Variants in CELF2 observed in about 807,000 individuals in gnomAD.
CELF2 encodes the protein CUGBP Elav-like family member 2, also known as CUG triplet repeat RNA-binding protein 2.
Under a neutral mutation model 62.6 loss-of-function variants are expected in CELF2, and 8 were observed. The ratio of observed to expected loss-of-function variants is 0.13; its 90% CI spans 0.07 to 0.23. The LOEUF (loss-of-function observed/expected upper bound fraction) is 0.23. Among genes scored for constraint, CELF2 ranks in the 10% least tolerant of loss-of-function variants. The pLI is 1.00. For missense variants in CELF2, 333 were observed against 671.0 expected (o/e 0.50, Z 5.56); for synonymous variants, 258 against 250.0 (o/e 1.03, Z -0.30).
the CELF2 span, among the ~76,000 whole-genome samples, chr10:10,693,364 T>C: frequency 7.3e-6 from 1 of 137,538 alleles, no homozygotes; most frequent in Non-Finnish European, 1.6e-5. Flanking sequence ...TGAAGCCCAC[T>C]TGATCATGGT....
Position 11,211,809 on chromosome 10 carries a change from A to AGTGT in CELF2, c.272-5615_272-5614insTGTG, listed in dbSNP as rs766424195. ...ATGTGTGTGAGAGAGAGAGAGAGAG[A>AGTGT]GAGAGTGTGTGTGTGTGTGTGTGTG... On this transcript the variant is annotated intron_variant, in intron 2 of 12. Transcript: ENST00000633077. This position sits in a 1 kb window ranked among gnomAD's most constrained non-coding sequence, Gnocchi z 4.8. Among the ~76,000 whole-genome samples, 30 of 129,848 alleles carry AGTGT rather than the reference A, an allele frequency of 2.3e-4. No individual in the cohort carries two copies. Among genetic ancestry groups the AGTGT allele is most frequent in the Non-Finnish European group, 2.6e-4 (16 of 61,212 alleles). 85.2% of individuals were successfully genotyped at this position (129,848 alleles called of 152,430 possible). A position where few individuals can be genotyped will look rare whatever the true frequency, so the allele number is the denominator to read the frequency against.
the CELF2 span, among the ~76,000 whole-genome samples, chr10:10,597,364 G>T: frequency 6.6e-6 from 1 of 152,162 alleles, no homozygotes; most frequent in African/African-American, 2.4e-5. Flanking sequence ...TTATTTGTTT[G>T]CTTGTTTTTA....
intron 1 of CELF2, among the ~76,000 whole-genome samples, chr10:10,845,509 A>G (rs945167752): frequency 6.6e-6 from 1 of 152,304 alleles, no homozygotes; most frequent in Non-Finnish European, 1.5e-5. Flanking sequence ...GAAGTCTGCA[A>G]GAAATTTCTG....
the CELF2 span, among the ~76,000 whole-genome samples, chr10:10,681,509 A>G: frequency 0.29 from 43,973 of 152,040 alleles, 6,620 homozygotes; most frequent in South Asian, 0.47. Flanking sequence ...GCCACAGACT[A>G]TATATAAACA....
At chr10:10,529,314 T>C in the CELF2 span, among the ~76,000 whole-genome samples, 3 of 152,176 alleles carry the variant, frequency 2.0e-5, no homozygotes, top group Non-Finnish European at 4.4e-5. Flanking sequence ...GAGAAAATTC[T>C]CCAAGCTTTC....
chr10:10,708,722 G>A, the CELF2 span, among the ~76,000 whole-genome samples: 1 of 152,060 alleles, frequency 6.6e-6, no homozygotes, highest in Non-Finnish European at 1.5e-5. Context: ...GATGGAAATA[G>A]CAGTATTGAG....
chr10:10,622,478 G>GTATA, the CELF2 span, among the ~76,000 whole-genome samples: 1 of 150,682 alleles, frequency 6.6e-6, no homozygotes, highest in East Asian at 1.9e-4. Context: ...GTGTGTGTGT[G>GTATA]TATATATATA....
At chr10:11,099,405 C>A (rs957540624) in intron 1 of CELF2, among the ~76,000 whole-genome samples, 2 of 152,154 alleles carry the variant, frequency 1.3e-5, no homozygotes, top group Non-Finnish European at 2.9e-5. Flanking sequence ...TAAATTCTGG[C>A]GTGGTTTCCC....
chr10:10,747,556 A>G, the CELF2 span, among the ~76,000 whole-genome samples: 8 of 152,252 alleles, frequency 5.3e-5, no homozygotes, highest in South Asian at 1.5e-3. Flanking sequence ...GAAAGCGGGG[A>G]TCATCAGGGA....
chr10:10,616,295 G>GGT, the CELF2 span, among the ~76,000 whole-genome samples: 13,457 of 143,836 alleles, frequency 0.094, 732 homozygotes, highest in African/African-American at 0.15. Flanking sequence ...TTTTGTTTGG[G>GGT]GTGTGTGTGT....
At chr10:11,028,640 C>T (rs2059628970) in intron 1 of CELF2, among the ~76,000 whole-genome samples, 1 of 151,316 alleles carries the variant, frequency 6.6e-6, no homozygotes, top group Admixed American at 6.6e-5. Flanking sequence ...AGGCTGGTCT[C>T]AAACTCCTGA....
At chr10:10,895,054 G>C (rs1053686815) in intron 1 of CELF2, among the ~76,000 whole-genome samples, 1 of 152,100 alleles carries the variant, frequency 6.6e-6, no homozygotes, top group Non-Finnish European at 1.5e-5. Context: ...CCTTACAAGA[G>C]TCCAGATTTA....
chr10:11,224,829 T>C lies in CELF2; in HGVS notation c.354+7322T>C, dbSNP rs2065955387. Among the ~76,000 whole-genome samples, 3 of 152,080 alleles carry C rather than the reference T, an allele frequency of 2.0e-5. No homozygotes were observed. In the South Asian group the frequency reaches 6.2e-4, roughly 31 times the overall value. On this transcript the variant is annotated intron_variant, in intron 3 of 12. Transcript: ENST00000633077. This position sits in a 1 kb window ranked among gnomAD's most constrained non-coding sequence, Gnocchi z 4.5. ...ACAAAAAGCATACAGCATGGGTAGA[T>C]GTGGAGAGAGTTCTCCCAGGAACAC...
At chr10:10,618,821 G>A in the CELF2 span, among the ~76,000 whole-genome samples, 49 of 152,264 alleles carry the variant, frequency 3.2e-4, no homozygotes, top group African/African-American at 1.1e-3. Context: ...CTTGCAGAGA[G>A]AGAGGGGGTT....
chr10:11,148,090 G>A (rs564854415), intron 1 of CELF2, among the ~76,000 whole-genome samples: 7 of 152,238 alleles, frequency 4.6e-5, no homozygotes, highest in South Asian at 2.1e-4. Flanking sequence ...ACCCCAGTCC[G>A]GCAAGAAGAA....
In CELF2 at chr10:11,328,550, T is replaced by G. The variant is rs1461935758; in HGVS notation, c.1439-376T>G. Among the ~76,000 whole-genome samples the G allele has an allele frequency of 6.6e-6, 1 of 152,206 alleles. No individual in the cohort carries two copies. The highest frequency in any genetic ancestry group is 2.4e-5 in the African/African-American group (1 of 41,462). On this transcript the variant is annotated intron_variant, in intron 12 of 12. Coordinates refer to ENST00000633077, the MANE Select transcript of CELF2 (RefSeq NM_001326342.2). The surrounding 1 kb of genome is among the most constrained non-coding windows in gnomAD (Gnocchi z 6.4). ...GCCCTGAAATATTTACACCACTGCT[T>G]GTATGAGTAGCATGTATGGACCTGG...
the CELF2 span, among the ~76,000 whole-genome samples, chr10:10,482,235 G>GGTAT: frequency 6.6e-6 from 1 of 152,118 alleles, no homozygotes; most frequent in African/African-American, 2.4e-5. Context: ...CAATGCATAT[G>GGTAT]GTATGTTTTT....
chr10:10,647,498 AG>A, the CELF2 span, among the ~76,000 whole-genome samples: 11 of 152,334 alleles, frequency 7.2e-5, no homozygotes, highest in East Asian at 2.1e-3. Context: ...CCACAGCCAA[AG>A]GGCAGCTCTT....
chr10:10,905,172 C>A (rs950874772), intron 1 of CELF2, among the ~76,000 whole-genome samples: 5 of 152,074 alleles, frequency 3.3e-5, no homozygotes, highest in African/African-American at 4.8e-5. Context: ...AAGTGCTAAG[C>A]AAAATGATTA....
Sources: allele counts gnomAD v4.1 joint callset (sites outside exome capture counted in the v4.1 genomes callset), GRCh38; gene constraint gnomAD v4.1.1; non-coding constraint Gnocchi (gnomAD v3.1); transcripts MANE v1.5; gene names NCBI Gene and HGNC (gene_info 2026-07-23, HGNC 2026-07-21).